The following NELL1 variants were observed in gnomAD, a reference collection of about 807,000 sequenced individuals.
The protein encoded by NELL1 is neural EGFL like 1, also known as protein kinase C-binding protein NELL1.
A neutral mutation model predicts 107.4 loss-of-function variants in NELL1; 76 were observed. That is an observed-to-expected ratio of 0.71 (90% CI 0.59 to 0.86). The LOEUF (loss-of-function observed/expected upper bound fraction) is 0.86, where lower values mean the gene tolerates loss of function less well. NELL1 is among the 40% of genes least tolerant of loss of function. The pLI is 0.00. For synonymous variants in NELL1, 353 were observed against 341.2 expected (o/e 1.03, Z -0.38); for missense variants, 1,024 against 1,005.5 (o/e 1.02, Z -0.25).
intron 12 of NELL1, among the ~76,000 whole-genome samples, chr11:21,037,705 C>A (rs1853130133): frequency 6.6e-6 from 1 of 152,176 alleles, no homozygotes; most frequent in African/African-American, 2.4e-5. Flanking sequence ...ATTTGGGCAG[C>A]AACCACTTAT....
intron 12 of NELL1, among the ~76,000 whole-genome samples, chr11:20,962,807 A>C (rs1200869074): frequency 6.6e-6 from 1 of 152,190 alleles, no homozygotes; most frequent in Non-Finnish European, 1.5e-5. Flanking sequence ...GGGTAATGGC[A>C]ATGTGACTGG....
intron 3 of NELL1, among the ~76,000 whole-genome samples, chr11:20,841,730 T>C (rs936631218): frequency 8.5e-4 from 129 of 152,278 alleles, no homozygotes; most frequent in African/African-American, 2.9e-3. Context: ...AAAAAGGTTA[T>C]AGGCCTCATC....
At chr11:20,692,618 A>G (rs1317421950) in intron 2 of NELL1, among the ~76,000 whole-genome samples, 3 of 150,664 alleles carry the variant, frequency 2.0e-5, no homozygotes, top group Admixed American at 1.3e-4. Context: ...CTTAATCCTG[A>G]GTTCTAGTTT....
chr11:21,468,679 T>C (rs1459173184), intron 15 of NELL1, among the ~76,000 whole-genome samples: 2 of 152,050 alleles, frequency 1.3e-5, no homozygotes, highest in Non-Finnish European at 2.9e-5. Flanking sequence ...GGATCAAGAT[T>C]GATAAAATTC....
intron 12 of NELL1, among the ~76,000 whole-genome samples, chr11:20,981,570 A>G (rs1445372955): frequency 6.6e-6 from 1 of 152,200 alleles, no homozygotes; most frequent in Non-Finnish European, 1.5e-5. Flanking sequence ...GAGCAGAGCC[A>G]TACTGGGGGC....
intron 15 of NELL1, among the ~76,000 whole-genome samples, chr11:21,486,421 A>G (rs1854633488): frequency 6.6e-6 from 1 of 152,236 alleles, no homozygotes; most frequent in Non-Finnish European, 1.5e-5. Context: ...GCACAAATCC[A>G]GAATCAAAGC....
chr11:21,292,228 A>G lies in NELL1; in HGVS notation c.1549+62774A>G, dbSNP rs1271137747. On this transcript the variant is annotated intron_variant, in intron 14 of 19. Coordinates refer to ENST00000357134, the MANE Select transcript of NELL1 (RefSeq NM_006157.5). ...AACCTACCTGATAATCAGCTTCAGCAAAGTCTCAGGATAGAAAATCAATGT... is the reference window on the plus strand; with the variant it reads ...AACCTACCTGATAATCAGCTTCAGCGAAGTCTCAGGATAGAAAATCAATGT... 2.6e-5 allele frequency among the ~76,000 whole-genome samples: 4 copies of G among 152,336 alleles called. No individual in the cohort carries two copies. The East Asian group carries it at 7.7e-4, about 29-fold the overall frequency.
intron 12 of NELL1, among the ~76,000 whole-genome samples, chr11:20,980,945 A>G (rs1016200858): frequency 1.3e-5 from 2 of 152,190 alleles, no homozygotes; most frequent in Non-Finnish European, 2.9e-5. Context: ...AATACCTCCA[A>G]AATTCCTTCC....
At chr11:20,918,096 G>T in intron 5 of NELL1, 86 bp from the exon 6 acceptor site, 1 of 790,122 alleles carries the variant, frequency 1.3e-6, no homozygotes, top group South Asian at 1.5e-5. Context: ...AAAATAATCT[G>T]ACCTGCCAAG....
chr11:21,393,440 T>C (rs964112133), intron 15 of NELL1, among the ~76,000 whole-genome samples: 4 of 151,828 alleles, frequency 2.6e-5, no homozygotes, highest in African/African-American at 9.6e-5. Flanking sequence ...CAAACAACGC[T>C]GAATAGAAAA....
chr11:21,435,518 G>T (rs1220093664), intron 15 of NELL1, among the ~76,000 whole-genome samples: 2 of 144,488 alleles, frequency 1.4e-5, no homozygotes, highest in African/African-American at 2.6e-5. Context: ...TTTTTACCAT[G>T]AAGAGATGTT....
intron 9 of NELL1, among the ~76,000 whole-genome samples, chr11:20,933,293 G>A (rs572658749): frequency 1.7e-4 from 26 of 152,340 alleles, no homozygotes; most frequent in Non-Finnish European, 3.2e-4. Context: ...TACTCCACAG[G>A]TATTGTTTTG....
chr11:21,386,176 C>A (rs1431538898), intron 15 of NELL1, among the ~76,000 whole-genome samples: 2 of 149,856 alleles, frequency 1.3e-5, no homozygotes, highest in African/African-American at 4.9e-5. Flanking sequence ...ATCACCCCCA[C>A]CCCCGCCAAA....
At chr11:20,924,457 T>C (rs974702780) in intron 7 of NELL1, among the ~76,000 whole-genome samples, 2 of 152,188 alleles carry the variant, frequency 1.3e-5, no homozygotes, top group Admixed American at 6.5e-5. Context: ...GAGAATAGCA[T>C]TCATTATATT....
intron 13 of NELL1, among the ~76,000 whole-genome samples, chr11:21,147,836 CAAAAAAAAAAAAA>C (rs35688285): frequency 1.4e-4 from 4 of 28,818 alleles, no homozygotes; most frequent in South Asian, 3.1e-3. Context: ...AACTCCGTCT[CAAAAAAAAAAAAA>C]AAAAAAAAAA....
intron 15 of NELL1, among the ~76,000 whole-genome samples, chr11:21,462,927 T>G (rs1445610313): frequency 1.3e-5 from 2 of 152,014 alleles, no homozygotes; most frequent in African/African-American, 2.4e-5. Flanking sequence ...AATGGCAGTT[T>G]GGATACCATT....
intron 12 of NELL1, among the ~76,000 whole-genome samples, chr11:20,984,150 G>A (rs1443439114): frequency 6.6e-6 from 1 of 151,344 alleles, no homozygotes; most frequent in African/African-American, 2.4e-5. Flanking sequence ...CTCCTTTTTT[G>A]TACCCTCACA....
At chr11:21,083,213 T>C (rs1346041640) in intron 12 of NELL1, among the ~76,000 whole-genome samples, 2 of 152,154 alleles carry the variant, frequency 1.3e-5, no homozygotes, top group East Asian at 3.9e-4. Context: ...CACGGGGCCA[T>C]TGGAGGAAAA....
At chr11:20,847,493 G>A (rs1848720579) in intron 3 of NELL1, 90 bp from the exon 4 acceptor site, 1 of 1,337,022 alleles carries the variant, frequency 7.5e-7, no homozygotes, top group Admixed American at 2.4e-5. Context: ...TTTAGATTGT[G>A]AGAGACCTGG....
Sources: gnomAD v4.1 joint callset for allele counts (sites outside exome capture counted in the v4.1 genomes callset) on GRCh38, gnomAD v4.1.1 for gene constraint, MANE v1.5 for transcripts, NCBI Gene and HGNC (gene_info 2026-07-23, HGNC 2026-07-21) for gene names.